Variants in DLGAP2 observed in about 807,000 individuals in gnomAD.
DLGAP2 encodes the protein disks large-associated protein 2.
A neutral mutation model predicts 100.3 loss-of-function variants in DLGAP2; 26 were observed. The observed-to-expected ratio is 0.26, with a 90% confidence interval of 0.19 to 0.36. The LOEUF (loss-of-function observed/expected upper bound fraction) is 0.36, where lower values mean the gene tolerates loss of function less well. Ranked by LOEUF, DLGAP2 falls within the 10% of genes least tolerant of loss-of-function variation. The probability of loss-of-function intolerance (pLI) is 1.00; values close to 1 mark genes in which losing one functional copy is unlikely to be tolerated. For synonymous variants in DLGAP2, 886 were observed against 630.1 expected (o/e 1.41, Z -6.08); for missense variants, 1,858 against 1,453.2 (o/e 1.28, Z -4.53).
chr8:894,498 C>T (rs1798100519), intron 1 of DLGAP2, among the ~76,000 whole-genome samples: 1 of 151,444 alleles, frequency 6.6e-6, no homozygotes, highest in Non-Finnish European at 1.5e-5. Flanking sequence ...AGCTGGGGGA[C>T]ACCGTGACAA....
chr8:1,432,727 C>T lies in DLGAP2; in HGVS notation c.107-68639C>T, dbSNP rs115431536. 2.6e-3 allele frequency among the ~76,000 whole-genome samples: 395 copies of T among 152,324 alleles called. 1 individual carries two copies. The highest frequency in any genetic ancestry group is 8.9e-3 in the African/African-American group (369 of 41,574). On this transcript the variant is annotated intron_variant, in intron 3 of 14. Coordinates refer to ENST00000637795, the MANE Select transcript of DLGAP2 (RefSeq NM_001346810.2). ...GCTGTGAATTTGGCTGGTGAGATGC[C>T]AGGGCCTCTGGGGACCTCCATGACC...
chr8:1,238,510 G>C (rs1413871381), intron 2 of DLGAP2, among the ~76,000 whole-genome samples: 3 of 129,338 alleles, frequency 2.3e-5, no homozygotes, highest in African/African-American at 8.5e-5. Context: ...GCCGTGTCTA[G>C]TTCTCTCACA....
chr8:1,644,613 C>A (rs1797995663), intron 8 of DLGAP2, among the ~76,000 whole-genome samples: 1 of 152,206 alleles, frequency 6.6e-6, no homozygotes, highest in Admixed American at 6.5e-5. Context: ...ACTCCCTGAC[C>A]AGGAGCTCCA....
chr8:1,585,396 G>GGAGGTTGCAGTGAGCT (rs1796085994), intron 6 of DLGAP2, among the ~76,000 whole-genome samples: 1 of 152,166 alleles, frequency 6.6e-6, no homozygotes, highest in South Asian at 2.1e-4. Context: ...TCTGGGAGGC[G>GGAGGTTGCAGTGAGCT]GAGGTTGCAG....
At position 973,331 on chromosome 8, in the gene DLGAP2, G is replaced by A. The variant is rs567448305; in HGVS notation, c.73+65365G>A. On this transcript the variant is annotated intron_variant, in intron 2 of 14. Transcript: ENST00000637795. ...ACCTCCCAGACAGGGCGGCTGCCGGGCGGAGACGCTCCTCACTTCCCAGAC... is the reference window on the plus strand; with the variant it reads ...ACCTCCCAGACAGGGCGGCTGCCGGACGGAGACGCTCCTCACTTCCCAGAC... Among the ~76,000 whole-genome samples the A allele has an allele frequency of 3.1e-3, 467 of 151,686 alleles. 2 individuals are homozygous for A. Among genetic ancestry groups the A allele is most frequent in the African/African-American group, 0.011 (441 of 41,278 alleles).
chr8:1,505,913 GATAA>G (rs1472794192), intron 4 of DLGAP2, among the ~76,000 whole-genome samples: 3 of 152,012 alleles, frequency 2.0e-5, no homozygotes, highest in African/African-American at 4.8e-5. Flanking sequence ...ATTTTGCATT[GATAA>G]ATGAATGCAA....
chr8:790,656 C>T (rs1228154247), intron 1 of DLGAP2, among the ~76,000 whole-genome samples: 2 of 152,120 alleles, frequency 1.3e-5, no homozygotes, highest in African/African-American at 2.4e-5. Flanking sequence ...ACAAGAACTC[C>T]GTATTTCATT....
At chr8:1,187,863 C>T (rs62489005) in intron 2 of DLGAP2, among the ~76,000 whole-genome samples, 37,615 of 70,540 alleles carry the variant, frequency 0.53, 9,358 homozygotes, top group East Asian at 0.71. Context: ...ACCCGGGACC[C>T]CCGTGACGTT....
intron 6 of DLGAP2, among the ~76,000 whole-genome samples, chr8:1,601,500 C>G (rs1796623096): frequency 1.3e-5 from 2 of 152,330 alleles, no homozygotes; most frequent in South Asian, 2.1e-4. Context: ...GGTGCTCTGT[C>G]CCAGAGAGAT....
At chr8:1,425,232 ATG>A (rs1797205665) in intron 3 of DLGAP2, among the ~76,000 whole-genome samples, 1 of 152,222 alleles carries the variant, frequency 6.6e-6, no homozygotes, top group Non-Finnish European at 1.5e-5. Context: ...ACTCGTTTCA[ATG>A]ATAGTGAAAA....
intron 8 of DLGAP2, among the ~76,000 whole-genome samples, chr8:1,667,133 C>T (rs2130835911): frequency 6.6e-6 from 1 of 152,314 alleles, no homozygotes; most frequent in Non-Finnish European, 1.5e-5. Flanking sequence ...CTTCAAGAAG[C>T]ACTTTTATCA....
Position 1,705,713 on chromosome 8 carries a change from C to A in DLGAP2, c.*4307C>A, listed in dbSNP as rs188274225. On this transcript the variant is annotated 3_prime_UTR_variant, in exon 15 of 15. Transcript: ENST00000637795. ...CAGCCCTCTTCTTCTCAAGCCTGAACTTCATTTTTTTTTTTAGCTGCAAAT... is the reference window on the plus strand; with the variant it reads ...CAGCCCTCTTCTTCTCAAGCCTGAAATTCATTTTTTTTTTTAGCTGCAAAT... 192 of 152,264 alleles carry A rather than the reference C, an allele frequency of 1.3e-3. 1 individual carries two copies. The highest frequency in any genetic ancestry group is 4.5e-3 in the African/African-American group (185 of 41,558). The allele number at this position is 152,264 out of a possible 1,614,324, so 9.4% of individuals were successfully genotyped here.
chr8:996,890 A>G (rs1800798467), intron 2 of DLGAP2, among the ~76,000 whole-genome samples: 1 of 152,144 alleles, frequency 6.6e-6, no homozygotes, highest in South Asian at 2.1e-4. Flanking sequence ...TAAAGCTGCC[A>G]CCTTCCCACA....
intron 8 of DLGAP2, among the ~76,000 whole-genome samples, chr8:1,663,898 C>T (rs530881049): frequency 5.8e-4 from 89 of 152,266 alleles, no homozygotes; most frequent in African/African-American, 1.9e-3. Flanking sequence ...AACTCCATGA[C>T]GCTTGTAAAG....
intron 2 of DLGAP2, among the ~76,000 whole-genome samples, chr8:1,193,485 C>G (rs1319782128): frequency 1.3e-5 from 2 of 152,300 alleles, no homozygotes; most frequent in African/African-American, 4.8e-5. Flanking sequence ...TGAGAAGTGT[C>G]TGGTTTCTGT....
rs142828803 is a variant in DLGAP2, at chr8:1,240,215, A to G, written c.74-18636A>G. Among the ~76,000 whole-genome samples the G allele has an allele frequency of 2.2e-3, 269 of 124,912 alleles. 3 individuals carry two copies. The highest frequency in any genetic ancestry group is 4.0e-3 in the South Asian group (14 of 3,502). The allele number at this position is 124,912 out of a possible 152,430, so 81.9% of individuals were successfully genotyped here. A position where few individuals can be genotyped will look rare whatever the true frequency, so the allele number is the denominator to read the frequency against. The stretch of plus-strand genomic sequence containing the variant: ...ATCGTGTCTAGTTCTCTCACATGGC[A>G]CTGTGTCTAGTTCTCTCACATGGCG... On this transcript the variant is annotated intron_variant, in intron 2 of 14. Transcript: ENST00000637795.
intron 3 of DLGAP2, among the ~76,000 whole-genome samples, chr8:1,304,164 G>A (rs1158346779): frequency 1.3e-5 from 2 of 152,176 alleles, no homozygotes; most frequent in African/African-American, 2.4e-5. Flanking sequence ...TTCCATGGGA[G>A]CAGGCCAGCG....
chr8:1,701,551 G>A lies in DLGAP2; in HGVS notation c.*145G>A. ...CCCCGCGCCCCGGACACAGCGGGAC[G>A]CGGCCGGCGGCCTCAGAGTCCACGG... is the stretch of plus-strand genomic sequence containing the variant. On this transcript the variant is annotated 3_prime_UTR_variant, in exon 15 of 15. Coordinates refer to ENST00000637795, the MANE Select transcript of DLGAP2 (RefSeq NM_001346810.2). 3.5e-6 allele frequency: 3 copies of A among 860,004 alleles called. No homozygotes were observed. Among genetic ancestry groups the A allele is most frequent in the Non-Finnish European group, 3.5e-6 (2 of 576,912 alleles). 53.3% of individuals were successfully genotyped at this position (860,004 alleles called of 1,614,324 possible). A position where few individuals can be genotyped will look rare whatever the true frequency, so the allele number is the denominator to read the frequency against.
chr8:1,665,150 T>C (rs768198037), intron 8 of DLGAP2, among the ~76,000 whole-genome samples: 1 of 152,170 alleles, frequency 6.6e-6, no homozygotes, highest in Non-Finnish European at 1.5e-5. Flanking sequence ...AGCTGCCCCA[T>C]ACATTTTTTT....
Sources: allele counts gnomAD v4.1 joint callset (sites outside exome capture counted in the v4.1 genomes callset), GRCh38; gene constraint gnomAD v4.1.1; transcripts MANE v1.5; gene names NCBI Gene and HGNC (gene_info 2026-07-23, HGNC 2026-07-21).